Variants in SULF1 observed in about 807,000 individuals in gnomAD.
The protein encoded by SULF1 is extracellular sulfatase Sulf-1.
In SULF1, 46 loss-of-function variants were observed where a neutral mutation model predicts 110.5. The ratio of observed to expected loss-of-function variants is 0.42; its 90% CI spans 0.33 to 0.53. The LOEUF is 0.53. Ranked by LOEUF, SULF1 falls within the 20% of genes least tolerant of loss-of-function variation. The probability of loss-of-function intolerance (pLI) is 0.12; values close to 1 mark genes in which losing one functional copy is unlikely to be tolerated. For missense variants in SULF1, 941 were observed against 1,094.2 expected, an observed-to-expected ratio of 0.86 and a Z score of 1.98; for synonymous variants, 371 against 387.1, an observed-to-expected ratio of 0.96 and a Z score of 0.49.
chr8:69,641,113 G>T, intron 22 of SULF1: 1 of 339,536 alleles, frequency 2.9e-6, no homozygotes, highest in East Asian at 4.4e-5. Flanking sequence ...AGCATGGAAT[G>T]ATGTGAAGGA....
In SULF1 at chr8:69,659,783, G is replaced by T. The variant is rs1812992242; in HGVS notation, c.*1248G>T. 2 of 153,318 alleles carry T rather than the reference G, an allele frequency of 1.3e-5. No homozygotes were observed. The highest frequency in any genetic ancestry group is 6.5e-5 in the Admixed American group (1 of 15,420). The allele number at this position is 153,318 out of a possible 1,614,324, so 9.5% of individuals were successfully genotyped here. A position where few individuals can be genotyped will look rare whatever the true frequency, so the allele number is the denominator to read the frequency against. ...TTTTCAATGCCGTCATTTTCAGTTA[G>T]ATGATTTTGCACTTTGAGATTAAAA... On this transcript the variant is annotated 3_prime_UTR_variant, in exon 23 of 23. Transcript: ENST00000402687.
chr8:69,529,605 G>A (rs1812945279), intron 3 of SULF1, among the ~76,000 whole-genome samples: 2 of 152,156 alleles, frequency 1.3e-5, no homozygotes, highest in Admixed American at 1.3e-4. Context: ...TGAGGTTGCA[G>A]CCTAAGATAC....
chr8:69,605,380 G>A (rs972200662), intron 13 of SULF1, among the ~76,000 whole-genome samples: 1 of 152,152 alleles, frequency 6.6e-6, no homozygotes, highest in Non-Finnish European at 1.5e-5. Context: ...AGAGGACAGA[G>A]CCTGTGACCA....
chr8:69,530,266 G>A (rs1812993799), intron 3 of SULF1, among the ~76,000 whole-genome samples: 1 of 151,928 alleles, frequency 6.6e-6, no homozygotes. Context: ...GGCTCTTTGA[G>A]CAAAAAGAAA....
At chr8:69,581,144 C>T (rs531576081) in intron 6 of SULF1, among the ~76,000 whole-genome samples, 2 of 152,224 alleles carry the variant, frequency 1.3e-5, no homozygotes, top group South Asian at 2.1e-4. Flanking sequence ...TTGAGGAAAC[C>T]AGACTGCTGT....
intron 10 of SULF1, 131 bp from the exon 11 acceptor site, chr8:69,603,061 C>T: frequency 7.8e-7 from 1 of 1,282,776 alleles, no homozygotes; most frequent in South Asian, 1.3e-5. Context: ...CACAACTACC[C>T]ATGCCTAGGA....
At chr8:69,470,115 C>A (rs551343816) in intron 1 of SULF1, among the ~76,000 whole-genome samples, 2 of 152,178 alleles carry the variant, frequency 1.3e-5, no homozygotes, top group Non-Finnish European at 2.9e-5. Context: ...CCCCAACCAT[C>A]GCCACATAGA....
intron 21 of SULF1, 25 bp from the exon 22 acceptor site, chr8:69,640,783 T>C: frequency 6.3e-7 from 1 of 1,599,960 alleles, no homozygotes; most frequent in Non-Finnish European, 8.5e-7. Context: ...CTAACAGAAA[T>C]TACTCTTGTA....
rs1805588027 is a variant in SULF1 at position 69,576,066 on chromosome 8, C to T, written c.269C>T (p.Ser90Leu). 6.2e-7 allele frequency: 1 copy of T among 1,614,206 alleles called. No individual in the cohort carries two copies. The highest frequency in any genetic ancestry group is 1.1e-5 in the South Asian group (1 of 91,078). ...GTGACTACACCCATGTGCTGCCCGT[C>T]ACGGTCCTCCATGCTCACCGGGAAG... Reference protein sequence around the residue: ...AFVTTPMCCPSRSSMLTGKYV... With the variant: ...AFVTTPMCCPLRSSMLTGKYV... The change falls in exon 6 of 23, where the codon TCA becomes TTA. Residue 90 changes from serine to leucine, a missense_variant. Physicochemically the swap from Ser to Leu is moderately radical, Grantham distance 145 (BLOSUM62 -2). Coordinates refer to ENST00000402687, the MANE Select transcript of SULF1 (RefSeq NM_001128205.2).
rs1563641728 is a variant in SULF1 at position 69,658,757 on chromosome 8, T to A, written c.*222T>A. The stretch of plus-strand genomic sequence containing the variant: ...GCTCAAAGTGACGGGTTCTTGGTTG[T>A]CTCTGCTGAGCACGCTGTGTCAATG... On this transcript the variant is annotated 3_prime_UTR_variant, in exon 23 of 23. Coordinates refer to ENST00000402687, the MANE Select transcript of SULF1 (RefSeq NM_001128205.2). 1 of 660,810 alleles carries A rather than the reference T, an allele frequency of 1.5e-6. No homozygotes were observed. The highest frequency in any genetic ancestry group is 1.5e-5 in the South Asian group (1 of 66,360). 40.9% of individuals were successfully genotyped at this position (660,810 alleles called of 1,614,324 possible). A position where few individuals can be genotyped will look rare whatever the true frequency, so the allele number is the denominator to read the frequency against.
intron 16 of SULF1, among the ~76,000 whole-genome samples, chr8:69,627,520 A>G (rs1810187629): frequency 6.6e-6 from 1 of 152,252 alleles, no homozygotes; most frequent in Non-Finnish European, 1.5e-5. Context: ...AACTGACTCA[A>G]TGGTCTTTTG....
At chr8:69,570,265 A>G (rs1805129956) in intron 5 of SULF1, among the ~76,000 whole-genome samples, 1 of 152,146 alleles carries the variant, frequency 6.6e-6, no homozygotes, top group East Asian at 1.9e-4. Context: ...TGAATCCCAC[A>G]TGTCTGGGAT....
At chr8:69,496,118 A>G (rs545672069) in intron 2 of SULF1, among the ~76,000 whole-genome samples, 192 bp downstream of exon 2, 21 of 152,334 alleles carry the variant, frequency 1.4e-4, no homozygotes, top group African/African-American at 4.8e-4. Flanking sequence ...TTCTAGGCAA[A>G]GCCTCTATCG....
Position 69,601,760 on chromosome 8 carries a change from C to T in SULF1, c.992C>T (p.Ser331Phe), listed in dbSNP as rs746539753. 6.2e-7 allele frequency: 1 copy of T among 1,613,286 alleles called. No homozygotes were observed. Among genetic ancestry groups the T allele is most frequent in the Admixed American group, 1.7e-5 (1 of 59,844 alleles). ...IGQFGLVKGK[S>F]MPYDFDIRVP... ...CAGTTTGGACTGGTCAAGGGGAAAT[C>T]CATGCCATATGACTTTGATATTCGT... is the stretch of plus-strand genomic sequence containing the variant. The change falls in exon 10 of 23, where the codon TCC (serine) becomes TTC (phenylalanine). Residue 331 changes from serine (S) to phenylalanine (F), a missense_variant. By Grantham distance (155) the Ser-to-Phe change is radical. Coordinates refer to ENST00000402687, the MANE Select transcript of SULF1 (RefSeq NM_001128205.2).
intron 22 of SULF1, among the ~76,000 whole-genome samples, chr8:69,655,961 G>A (rs1812695113): frequency 6.6e-6 from 1 of 151,970 alleles, no homozygotes; most frequent in Non-Finnish European, 1.5e-5. Context: ...CTATATTTTT[G>A]CTTCCATTTC....
upstream of SULF1, among the ~76,000 whole-genome samples, chr8:69,490,205 T>C (rs1241499963): frequency 6.7e-6 from 1 of 150,314 alleles, no homozygotes; most frequent in Non-Finnish European, 1.5e-5. Flanking sequence ...TGGGCTCAAG[T>C]GATCCTCCCA....
intron 13 of SULF1, among the ~76,000 whole-genome samples, chr8:69,617,378 T>G (rs1809240235): frequency 2.6e-3 from 1 of 382 alleles, no homozygotes; most frequent in Non-Finnish European, 5.9e-3. Context: ...CTTAGCTATA[T>G]ATATATATAT....
Position 69,627,217 on chromosome 8 carries a change from A to T in SULF1, c.1858A>T (p.Ile620Phe). ...TTTTGGTTTGTTTTGCAGGTGTTTT[A>T]TTCTTCCCAATGACTCTATCCATTG... ...TTVRVTHKCF[I>F]LPNDSIHCER... Residue 620 changes from isoleucine to phenylalanine, a missense_variant, in exon 16 of 23, where the codon ATT becomes TTT. Transcript: ENST00000402687. 1 of 1,613,896 alleles carries T rather than the reference A, an allele frequency of 6.2e-7. No homozygotes were observed. Among genetic ancestry groups the T allele is most frequent in the South Asian group, 1.1e-5 (1 of 91,054 alleles).
intron 5 of SULF1, among the ~76,000 whole-genome samples, chr8:69,567,926 G>A (rs1049407275): frequency 3.3e-5 from 5 of 152,122 alleles, no homozygotes; most frequent in Non-Finnish European, 7.4e-5. Context: ...GTTCTCCATA[G>A]CAACTCACCT....
Sources: gnomAD v4.1 joint callset for allele counts (sites outside exome capture counted in the v4.1 genomes callset) on GRCh38, gnomAD v4.1.1 for gene constraint, MANE v1.5 for transcripts, NCBI Gene and HGNC (gene_info 2026-07-23, HGNC 2026-07-21) for gene names.